The following DNAH10 variants were observed in gnomAD, a reference collection of about 807,000 sequenced individuals.
DNAH10 encodes axonemal beta dynein heavy chain 10.
Under a neutral mutation model 506.6 loss-of-function variants are expected in DNAH10, and 348 were observed. The ratio of observed to expected loss-of-function variants is 0.69; its 90% CI spans 0.63 to 0.75. The LOEUF is 0.75. Ranked by LOEUF, DNAH10 falls within the 30% of genes least tolerant of loss-of-function variation. The probability of loss-of-function intolerance (pLI) is 0.00; values close to 1 mark genes in which losing one functional copy is unlikely to be tolerated. For synonymous variants in DNAH10, 2,059 were observed against 2,198.6 expected, an observed-to-expected ratio of 0.94 and a Z score of 1.78; for missense variants, 5,179 against 5,787.1, an observed-to-expected ratio of 0.89 and a Z score of 3.41.
rs1472180354 is a variant in DNAH10 at position 123,916,762 on chromosome 12, C to A, written c.11002+26C>A. ...GTAAGAATGTGTAGAACCTCCACTG[C>A]TAATTCAGATGGTTATGAGGGAGAC... On this transcript the variant is annotated intron_variant, in intron 63 of 78. Transcript: ENST00000673944. The surrounding 1 kb of genome is among the most constrained non-coding windows in gnomAD (Gnocchi z 4.6). 6 of 1,582,558 alleles carry A rather than the reference C, an allele frequency of 3.8e-6. No individual in the cohort carries two copies. Among genetic ancestry groups the A allele is most frequent in the Non-Finnish European group, 4.3e-6 (5 of 1,164,364 alleles).
intron 67 of DNAH10, 74 bp downstream of exon 67, chr12:123,924,506 A>G: frequency 6.5e-7 from 1 of 1,549,862 alleles, no homozygotes; most frequent in Admixed American, 1.8e-5. Context: ...CTGTGGCCCA[A>G]CCCCTTAAGA....
chr12:123,814,199 C>G (rs1225226714), intron 21 of DNAH10: 1 of 232,442 alleles, frequency 4.3e-6, no homozygotes, highest in Non-Finnish European at 8.1e-6. Context: ...AGATAAAGAG[C>G]TCTTGCAAAA....
intron 59 of DNAH10, 93 bp downstream of exon 59, chr12:123,910,765 C>G: frequency 1.3e-6 from 2 of 1,485,880 alleles, no homozygotes; most frequent in South Asian, 2.7e-5. Context: ...AAAACTTCTC[C>G]CGAGGTTCTG....
chr12:123,819,032 A>G lies in DNAH10; in HGVS notation c.3863A>G (p.His1288Arg), dbSNP rs114004925. Residue 1288 changes from histidine (H) to arginine (R), a missense_variant, in exon 22 of 79, where the codon CAT becomes CGT. By Grantham distance (29) the His-to-Arg change is conservative. Around this residue, in one of 3 missense-constraint regions of DNAH10, gnomAD observed 4,844 missense variants for 5,430.5 expected, o/e 0.89. Coordinates refer to ENST00000673944, the MANE Select transcript of DNAH10 (RefSeq NM_001372106.1). The stretch of plus-strand genomic sequence containing the variant: ...TTTAATGATTCAGTGAATGTGGAGC[A>G]TGCTCTTGGGGACATAAAGAGAACT... ...NLFNDSVNVE[H>R]ALGDIKRTFT... The G allele has an allele frequency of 1.7e-3, 2,735 of 1,606,004 alleles. 42 individuals carry two copies. In the African/African-American group the frequency reaches 0.032, roughly 19 times the overall value.
intron 5 of DNAH10, among the ~76,000 whole-genome samples, chr12:123,779,373 A>G (rs1957558225): frequency 6.6e-6 from 1 of 152,122 alleles, no homozygotes; most frequent in Non-Finnish European, 1.5e-5. Flanking sequence ...GATCTTTAAA[A>G]GTCCTGATGG....
Position 123,928,854 on chromosome 12 carries a change from C to T in DNAH10, c.12306+267C>T, listed in dbSNP as rs541478253. 61 of 490,266 alleles carry T rather than the reference C, an allele frequency of 1.2e-4. No homozygotes were observed. Among genetic ancestry groups the T allele is most frequent in the East Asian group, 5.8e-4 (17 of 29,498 alleles). 30.4% of individuals were successfully genotyped at this position (490,266 alleles called of 1,614,324 possible). On this transcript the variant is annotated intron_variant, in intron 70 of 78. Coordinates refer to ENST00000673944, the MANE Select transcript of DNAH10 (RefSeq NM_001372106.1). This position sits in a 1 kb window ranked among gnomAD's most constrained non-coding sequence, Gnocchi z 4.9. ...TCTACGCTACTTTTCATAAACTTCA[C>T]GGCCCCCCCCCCCACACACAGCCTG...
At chr12:123,882,664 G>A (rs916908697) in intron 51 of DNAH10, among the ~76,000 whole-genome samples, 11 of 151,750 alleles carry the variant, frequency 7.2e-5, no homozygotes, top group African/African-American at 1.2e-4. Flanking sequence ...ATGGTGGCAC[G>A]CACCTGTAAT....
In DNAH10 at chr12:123,928,553, G is replaced by A; in HGVS notation, c.12272G>A (p.Gly4091Asp). The change falls in exon 70 of 79, where the codon GGC becomes GAC. Residue 4091 changes from glycine to aspartate, a missense_variant. Coordinates refer to ENST00000673944, the MANE Select transcript of DNAH10 (RefSeq NM_001372106.1). This position sits in a 1 kb window ranked among gnomAD's most constrained non-coding sequence, Gnocchi z 4.9. ...RLWLTTDPTK[G>D]FPIGILQKSL... Reference sequence around the variant, plus strand: ...TGGCTCACCACGGACCCCACCAAGGGCTTCCCCATTGGGATTCTGCAGAAG... The same window carrying A: ...TGGCTCACCACGGACCCCACCAAGGACTTCCCCATTGGGATTCTGCAGAAG... 8 of 1,609,082 alleles carry A rather than the reference G, an allele frequency of 5.0e-6. No individual in the cohort carries two copies. Among genetic ancestry groups the A allele is most frequent in the Admixed American group, 1.7e-5 (1 of 59,422 alleles).
intron 11 of DNAH10, among the ~76,000 whole-genome samples, chr12:123,792,585 G>T (rs924896242): frequency 6.6e-6 from 1 of 151,624 alleles, no homozygotes; most frequent in African/African-American, 2.4e-5. Context: ...TTGGCCTTCT[G>T]AGTAGCTGGG....
In DNAH10 at chr12:123,934,721, G is replaced by C. The variant is rs1313757898; in HGVS notation, c.13578G>C (p.Pro4526=). 1 of 1,613,908 alleles carries C rather than the reference G, an allele frequency of 6.2e-7. No homozygotes were observed. The highest frequency in any genetic ancestry group is 8.5e-7 in the Non-Finnish European group (1 of 1,179,874). Reference sequence around the variant, plus strand: ...CCAAGGTGCTGGTTGTGGACCTGCCGATCCTGAAGATCATCCCCATTGAAG... The same window carrying C: ...CCAAGGTGCTGGTTGTGGACCTGCCCATCCTGAAGATCATCCCCATTGAAG... The part of the protein sequence containing the change: ...SKPKVLVVDL[P]ILKIIPIEAH... The change falls in exon 78 of 79, where the codon CCG becomes CCC. Residue 4526 remains proline, a synonymous_variant. Transcript: ENST00000673944.
At chr12:123,855,779 T>C (rs10846562) in intron 36 of DNAH10, among the ~76,000 whole-genome samples, 68,307 of 150,876 alleles carry the variant, frequency 0.45, 15,868 homozygotes, top group African/African-American at 0.55. Context: ...AGGAAGTTTC[T>C]GCTCCTTCCC....
intron 32 of DNAH10, among the ~76,000 whole-genome samples, chr12:123,847,266 CCA>C (rs1950994840): frequency 7.7e-6 from 1 of 129,706 alleles, no homozygotes; most frequent in African/African-American, 4.2e-5. Context: ...ATCTATCTAT[CCA>C]TCCATCCATC....
intron 59 of DNAH10, among the ~76,000 whole-genome samples, chr12:123,912,577 G>C (rs1954273566): frequency 6.6e-6 from 1 of 152,002 alleles, no homozygotes; most frequent in African/African-American, 2.4e-5. Flanking sequence ...CTCCCTCCAA[G>C]CTGTGACATC....
intron 66 of DNAH10, 58 bp downstream of exon 66, chr12:123,923,925 A>AT: frequency 7.7e-7 from 1 of 1,293,472 alleles, no homozygotes; most frequent in Non-Finnish European, 1.1e-6. Flanking sequence ...ATACATGTAT[A>AT]TAAGTTTGTC....
chr12:123,909,458 T>G lies in DNAH10; in HGVS notation c.9997+16T>G, dbSNP rs1953966832. On this transcript the variant is annotated intron_variant, in intron 58 of 78. Transcript: ENST00000673944. This position sits in a 1 kb window ranked among gnomAD's most constrained non-coding sequence, Gnocchi z 5.4. ...AACATCAAAGGTGAGTGTAGCCACG[T>G]GTGGGAATCGCCAGGGTGGATCTCG... 6.5e-7 allele frequency: 1 copy of G among 1,546,430 alleles called. No individual in the cohort carries two copies. The highest frequency in any genetic ancestry group is 8.7e-7 in the Non-Finnish European group (1 of 1,143,072).
chr12:123,849,454 A>G (rs1951077876), intron 34 of DNAH10, among the ~76,000 whole-genome samples: 1 of 152,172 alleles, frequency 6.6e-6, no homozygotes, highest in South Asian at 2.1e-4. Context: ...CTGGATCCAA[A>G]TTTGGAGAAA....
At position 123,857,260 on chromosome 12, in the gene DNAH10, A is replaced by C; in HGVS notation, c.6630+13A>C. 1.3e-6 allele frequency: 2 copies of C among 1,537,632 alleles called. No homozygotes were observed. The highest frequency in any genetic ancestry group is 1.8e-6 in the Non-Finnish European group (2 of 1,136,280). ...CCTACCCATCCAGGTAAAGCCAGGA[A>C]AATGACCTCACTGTGGCCGTGCATC... is the stretch of plus-strand genomic sequence containing the variant. On this transcript the variant is annotated intron_variant, in intron 37 of 78. Transcript: ENST00000673944.
At position 123,926,653 on chromosome 12, in the gene DNAH10, A is replaced by G. The variant is rs142101429; in HGVS notation, c.11938A>G (p.Met3980Val). The G allele has an allele frequency of 9.6e-5, 155 of 1,613,504 alleles. 1 individual carries two copies. The highest frequency in any genetic ancestry group is 3.2e-4 in the African/African-American group (24 of 75,012). The stretch of plus-strand genomic sequence containing the variant: ...TTTCACCAGGTATGTGCAGCCCCCA[A>G]TGATCAGCTTTGAAGCTATTTTTGA... Reference protein sequence around the residue: ...TMGEKYVQPPMISFEAIFEQS... With the variant: ...TMGEKYVQPPVISFEAIFEQS... The change falls in exon 69 of 79, where the codon ATG becomes GTG. Residue 3980 changes from methionine to valine, a missense_variant. By Grantham distance (21) the Met-to-Val change is conservative (BLOSUM62 1). This residue lies in a region of DNAH10 where 4,844 missense variants were observed against 5,430.5 expected (regional missense o/e 0.89). Coordinates refer to ENST00000673944, the MANE Select transcript of DNAH10 (RefSeq NM_001372106.1). The surrounding 1 kb of genome is among the most constrained non-coding windows in gnomAD (Gnocchi z 4.1).
intron 38 of DNAH10, among the ~76,000 whole-genome samples, chr12:123,860,030 TAAAAA>T (rs547855423): frequency 1.1e-3 from 146 of 131,244 alleles, no homozygotes; most frequent in African/African-American, 3.2e-3. Flanking sequence ...ACCTTCTCTC[TAAAAA>T]AAAAAAAAAA....
Sources: gnomAD v4.1 joint callset for allele counts (sites outside exome capture counted in the v4.1 genomes callset) on GRCh38, gnomAD v4.1.1 for gene constraint, gnomAD v4.1.1 regional missense constraint, Gnocchi (gnomAD v3.1) non-coding constraint, MANE v1.5 for transcripts, NCBI Gene and HGNC (gene_info 2026-07-23, HGNC 2026-07-21) for gene names.